CRPPA: variants seen among roughly 807,000 people sequenced by gnomAD.
The protein encoded by CRPPA is CDP-L-ribitol pyrophosphorylase A.
CRPPA carries 43 observed loss-of-function variants against 52.0 expected under a neutral mutation model. The ratio of observed to expected loss-of-function variants is 0.83; its 90% CI spans 0.65 to 1.07. The LOEUF (loss-of-function observed/expected upper bound fraction) is 1.07, where lower values mean the gene tolerates loss of function less well. CRPPA is among the 50% of genes least tolerant of loss of function. CRPPA has a pLI of 0.00. For synonymous variants in CRPPA, 250 were observed against 203.5 expected (o/e 1.23, Z -1.94); for missense variants, 629 against 551.7 (o/e 1.14, Z -1.40).
chr7:16,127,409 ACCT>A (rs1782601249), intron 9 of CRPPA, among the ~76,000 whole-genome samples: 1 of 151,996 alleles, frequency 6.6e-6, no homozygotes, highest in Non-Finnish European at 1.5e-5. Context: ...ATTAAATGTA[ACCT>A]CCTTTTCAAA....
At chr7:16,242,751 T>C (rs1471670884) in intron 8 of CRPPA, among the ~76,000 whole-genome samples, 2 of 152,232 alleles carry the variant, frequency 1.3e-5, no homozygotes, top group Non-Finnish European at 2.9e-5. Context: ...AATTCCGTTA[T>C]GCTGACCAGT....
At chr7:16,390,293 T>C (rs1333091250) in intron 2 of CRPPA, among the ~76,000 whole-genome samples, 1 of 152,146 alleles carries the variant, frequency 6.6e-6, no homozygotes, top group Non-Finnish European at 1.5e-5. Flanking sequence ...ATATATCTTC[T>C]TCCAGCTAAT....
At chr7:16,298,337 G>GA (rs34527917) in intron 5 of CRPPA, among the ~76,000 whole-genome samples, 1 of 151,944 alleles carries the variant, frequency 6.6e-6, no homozygotes, top group African/African-American at 2.4e-5. Context: ...TTAAGGGAGG[G>GA]AAAAAAAGGA....
intron 5 of CRPPA, among the ~76,000 whole-genome samples, chr7:16,300,150 T>C (rs1295486217): frequency 6.6e-6 from 1 of 152,234 alleles, no homozygotes. Flanking sequence ...GCATAAGTTA[T>C]AGTACATTAA....
chr7:16,292,406 G>A (rs112798225), intron 5 of CRPPA, among the ~76,000 whole-genome samples: 5 of 151,972 alleles, frequency 3.3e-5, no homozygotes, highest in South Asian at 2.1e-4. Flanking sequence ...GAGAAGACAC[G>A]GAGGCTTTTC....
intron 9 of CRPPA, among the ~76,000 whole-genome samples, chr7:16,120,585 A>G (rs1782462655): frequency 6.6e-6 from 1 of 152,102 alleles, no homozygotes; most frequent in Non-Finnish European, 1.5e-5. Context: ...TGTTCTCCAA[A>G]TCTTTATTTC....
intron 9 of CRPPA, among the ~76,000 whole-genome samples, chr7:16,152,379 C>T (rs982552680): frequency 4.7e-4 from 71 of 151,820 alleles, no homozygotes; most frequent in African/African-American, 1.5e-3. Context: ...AGTAATTTTC[C>T]ATTTGAACTA....
chr7:16,309,316 T>C (rs138148434), intron 3 of CRPPA, among the ~76,000 whole-genome samples: 7 of 152,138 alleles, frequency 4.6e-5, no homozygotes, highest in Admixed American at 1.3e-4. Flanking sequence ...ACCAGATATA[T>C]AAAGGTAAAT....
intron 3 of CRPPA, among the ~76,000 whole-genome samples, chr7:16,371,226 G>A (rs572578520): frequency 6.6e-6 from 1 of 152,110 alleles, no homozygotes; most frequent in Non-Finnish European, 1.5e-5. Context: ...ACCTACCAAA[G>A]GATACCTCCC....
At chr7:16,318,149 T>C (rs1218616657) in intron 3 of CRPPA, among the ~76,000 whole-genome samples, 1 of 152,098 alleles carries the variant, frequency 6.6e-6, no homozygotes, top group African/African-American at 2.4e-5. Flanking sequence ...AAACCTCCAA[T>C]TGCTCTTGGT....
chr7:16,327,945 T>C (rs6959691), intron 3 of CRPPA, among the ~76,000 whole-genome samples: 68,532 of 151,864 alleles, frequency 0.45, 15,725 homozygotes, highest in South Asian at 0.6. Context: ...CACCACCACA[T>C]ATTGTCTTTG....
Position 16,369,966 on chromosome 7 carries a change from C to T in CRPPA, c.684+6126G>A, listed in dbSNP as rs1562658475. On this transcript the variant is annotated intron_variant, in intron 3 of 9. Coordinates refer to ENST00000407010, the MANE Select transcript of CRPPA (RefSeq NM_001101426.4). ...GGGAATCTGAAAATCCAAACCACAG[C>T]AGAAGCTCTTAACCCTACCCAGAGC... is the stretch of plus-strand genomic sequence containing the variant. Among the ~76,000 whole-genome samples, 6 of 152,304 alleles carry T rather than the reference C, an allele frequency of 3.9e-5. No homozygotes were observed. In the South Asian group the frequency reaches 1.0e-3, roughly 26 times the overall value.
chr7:16,359,357 A>C (rs903688650), intron 3 of CRPPA, among the ~76,000 whole-genome samples: 11 of 152,186 alleles, frequency 7.2e-5, no homozygotes, highest in African/African-American at 2.7e-4. Context: ...TGTAATTCAC[A>C]GCGTGATCAC....
rs76540879 is a variant in CRPPA, at chr7:16,242,647, C to T, written c.1119+15743G>A. Among the ~76,000 whole-genome samples the T allele has an allele frequency of 1.8e-3, 275 of 152,292 alleles. 2 individuals carry two copies. The East Asian group carries it at 0.024, about 13-fold the overall frequency. ...AATCACATATGAAAAAAGTTTCAAA[C>T]ATAATTCTGATAGAATTTTATTTTT... On this transcript the variant is annotated intron_variant, in intron 8 of 9. Coordinates refer to ENST00000407010, the MANE Select transcript of CRPPA (RefSeq NM_001101426.4).
chr7:16,249,317 C>T (rs536800938), intron 8 of CRPPA, among the ~76,000 whole-genome samples: 3 of 152,314 alleles, frequency 2.0e-5, no homozygotes, highest in South Asian at 2.1e-4. Context: ...CAAACTTAAA[C>T]GTCCCCGCCT....
At chr7:16,181,062 T>C (rs555080746) in intron 9 of CRPPA, among the ~76,000 whole-genome samples, 42 of 152,112 alleles carry the variant, frequency 2.8e-4, no homozygotes, top group African/African-American at 1.0e-3. Context: ...GATATAAAGA[T>C]GAAGACTTTA....
chr7:16,387,059 A>G (rs1467222401), intron 2 of CRPPA, among the ~76,000 whole-genome samples: 3 of 83,176 alleles, frequency 3.6e-5, no homozygotes, highest in Non-Finnish European at 6.5e-5. Context: ...ATATATATAT[A>G]TATATATATA....
chr7:16,365,122 GTC>G (rs1184064442), intron 3 of CRPPA, among the ~76,000 whole-genome samples: 1 of 152,138 alleles, frequency 6.6e-6, no homozygotes, highest in Non-Finnish European at 1.5e-5. Context: ...AGCAGCCAGA[GTC>G]TCTGATTTCT....
chr7:16,265,502 A>G (rs1783929973), intron 6 of CRPPA, among the ~76,000 whole-genome samples: 1 of 152,204 alleles, frequency 6.6e-6, no homozygotes, highest in South Asian at 2.1e-4. Flanking sequence ...TCTGAGTCCA[A>G]GGACATTTCC....
Sources: allele counts gnomAD v4.1 joint callset (sites outside exome capture counted in the v4.1 genomes callset), GRCh38; gene constraint gnomAD v4.1.1; transcripts MANE v1.5; gene names NCBI Gene and HGNC (gene_info 2026-07-23, HGNC 2026-07-21).